Variants in BATF observed in about 807,000 individuals in gnomAD.
BATF encodes the protein basic leucine zipper transcriptional factor ATF-like.
Under a neutral mutation model 13.7 loss-of-function variants are expected in BATF, and 5 were observed. The observed-to-expected ratio is 0.36, with a 90% CI of 0.19 to 0.77. The LOEUF is 0.77. BATF is among the 30% of genes least tolerant of loss of function. The probability of loss-of-function intolerance (pLI) is 0.51; values close to 1 mark genes in which losing one functional copy is unlikely to be tolerated. For missense variants in BATF, 124 were observed against 163.0 expected (o/e 0.76, Z 1.30); for synonymous variants, 72 against 67.5 (o/e 1.07, Z -0.33).
At chr14:75,526,043 T>C (rs1322932649) in intron 2 of BATF, among the ~76,000 whole-genome samples, 7 of 152,346 alleles carry the variant, frequency 4.6e-5, no homozygotes, top group East Asian at 1.9e-4. Context: ...ACCATCCTAG[T>C]TGAGTTGCCT....
intron 2 of BATF, 142 bp from the exon 3 acceptor site, chr14:75,546,320 C>T (rs1887985201): frequency 1.3e-6 from 1 of 784,078 alleles, no homozygotes; most frequent in African/African-American, 1.7e-5. Context: ...CACATTCACA[C>T]GTGCAGGAAA....
At chr14:75,539,424 A>ATTT (rs1162218076) in intron 2 of BATF, among the ~76,000 whole-genome samples, 5,098 of 58,340 alleles carry the variant, frequency 0.087, 632 homozygotes, top group Non-Finnish European at 0.11. Flanking sequence ...GTAAGCTGGA[A>ATTT]TTTTTTTTTT....
intron 2 of BATF, among the ~76,000 whole-genome samples, chr14:75,541,206 T>C (rs1041968443): frequency 5.3e-5 from 8 of 152,250 alleles, no homozygotes; most frequent in African/African-American, 1.9e-4. Context: ...CTTAGACCTA[T>C]TAGATCAGAA....
At chr14:75,528,923 G>A (rs1001859028) in intron 2 of BATF, among the ~76,000 whole-genome samples, 1 of 151,996 alleles carries the variant, frequency 6.6e-6, no homozygotes, top group Admixed American at 6.6e-5. Flanking sequence ...ATGGAAGGAA[G>A]GAATAATTTA....
In BATF at chr14:75,522,678, C is replaced by T; in HGVS notation, c.-5C>T. 1 of 1,614,130 alleles carries T rather than the reference C, an allele frequency of 6.2e-7. No homozygotes were observed. Among genetic ancestry groups the T allele is most frequent in the African/African-American group, 1.3e-5 (1 of 75,028 alleles). On this transcript the variant is annotated 5_prime_UTR_variant, in exon 1 of 3. Coordinates refer to ENST00000286639, the MANE Select transcript of BATF (RefSeq NM_006399.5). ...CTGAGTGTGAGAGCCCGGAAGATTT[C>T]AGCCATGCCTCACAGCTCCGACAGC...
At chr14:75,528,183 G>T (rs189471879) in intron 2 of BATF, among the ~76,000 whole-genome samples, 186 of 152,300 alleles carry the variant, frequency 1.2e-3, no homozygotes, top group Middle Eastern at 3.4e-3. Context: ...CATGGCCATA[G>T]GCCTCGCCTA....
intron 2 of BATF, among the ~76,000 whole-genome samples, chr14:75,531,600 A>C (rs1055636497): frequency 1.3e-5 from 2 of 152,214 alleles, no homozygotes; most frequent in African/African-American, 4.8e-5. Context: ...GTCTCACACC[A>C]GTATAAGAAA....
chr14:75,546,392 C>G, intron 2 of BATF, 70 bp from the exon 3 acceptor site: 1 of 1,518,214 alleles, frequency 6.6e-7, no homozygotes, highest in Non-Finnish European at 9.1e-7. Flanking sequence ...CCTCCTGTGT[C>G]CCTCCGCACC....
chr14:75,529,685 C>T (rs530264546), intron 2 of BATF, among the ~76,000 whole-genome samples: 29 of 152,278 alleles, frequency 1.9e-4, no homozygotes, highest in African/African-American at 7.0e-4. Flanking sequence ...GGAAAAATAT[C>T]TGTAATACAT....
chr14:75,535,962 G>A (rs981286030), intron 2 of BATF, among the ~76,000 whole-genome samples: 4 of 152,108 alleles, frequency 2.6e-5, no homozygotes, highest in Non-Finnish European at 5.9e-5. Flanking sequence ...ATAAAGCAAA[G>A]GCCATATTAT....
chr14:75,526,606 A>G (rs977884559), intron 2 of BATF, among the ~76,000 whole-genome samples: 6 of 152,248 alleles, frequency 3.9e-5, no homozygotes, highest in African/African-American at 1.4e-4. Context: ...TTTGAAATGT[A>G]TTCAGCTTAC....
intron 2 of BATF, among the ~76,000 whole-genome samples, chr14:75,531,605 A>G (rs895122249): frequency 1.1e-4 from 17 of 152,236 alleles, no homozygotes; most frequent in African/African-American, 4.1e-4. Context: ...ACACCAGTAT[A>G]AGAAAAAAGA....
intron 2 of BATF, among the ~76,000 whole-genome samples, chr14:75,525,704 G>C (rs1050501189): frequency 2.0e-5 from 3 of 151,640 alleles, no homozygotes; most frequent in African/African-American, 7.2e-5. Context: ...CAGGGAATGG[G>C]CCAGGAGGCT....
intron 2 of BATF, among the ~76,000 whole-genome samples, chr14:75,534,364 G>T (rs769021343): frequency 6.6e-6 from 1 of 152,134 alleles, no homozygotes; most frequent in African/African-American, 2.4e-5. Flanking sequence ...TACACACTAA[G>T]GCAGGGTTTC....
chr14:75,529,948 C>T (rs1159434632), intron 2 of BATF, among the ~76,000 whole-genome samples: 1 of 151,530 alleles, frequency 6.6e-6, no homozygotes, highest in African/African-American at 2.4e-5. Flanking sequence ...CCTGTAGTCC[C>T]AGCTACTTGA....
intron 2 of BATF, among the ~76,000 whole-genome samples, chr14:75,532,984 T>C (rs376014524): frequency 4.6e-5 from 7 of 152,358 alleles, no homozygotes; most frequent in Middle Eastern, 3.4e-3. Context: ...TTTTTTATTA[T>C]AATGAATGTG....
At chr14:75,536,101 C>T (rs543448240) in intron 2 of BATF, among the ~76,000 whole-genome samples, 8 of 152,284 alleles carry the variant, frequency 5.3e-5, no homozygotes, top group African/African-American at 1.2e-4. Flanking sequence ...ATTTCACGAA[C>T]CTTACAGTCA....
chr14:75,525,235 C>T, intron 2 of BATF, 47 bp downstream of exon 2: 4 of 1,561,276 alleles, frequency 2.6e-6, no homozygotes, highest in Non-Finnish European at 3.5e-6. Flanking sequence ...TAGGCTTTGC[C>T]CTCCGCCATC....
chr14:75,539,424 A>ATTTTTTT (rs1162218076), intron 2 of BATF, among the ~76,000 whole-genome samples: 13,030 of 58,384 alleles, frequency 0.22, 3,675 homozygotes, highest in South Asian at 0.29. Flanking sequence ...GTAAGCTGGA[A>ATTTTTTT]TTTTTTTTTT....
Sources: allele counts gnomAD v4.1 joint callset (sites outside exome capture counted in the v4.1 genomes callset), GRCh38; gene constraint gnomAD v4.1.1; transcripts MANE v1.5; gene names NCBI Gene and HGNC (gene_info 2026-07-23, HGNC 2026-07-21).